CSMD1: variants seen among roughly 807,000 people sequenced by gnomAD.
CSMD1 encodes CUB and sushi domain-containing protein 1.
CSMD1 carries 213 observed loss-of-function variants against 417.5 expected under a neutral mutation model. The ratio of observed to expected loss-of-function variants is 0.51; its 90% CI spans 0.46 to 0.57. The LOEUF is 0.57. CSMD1 is among the 20% of genes least tolerant of loss of function. CSMD1 has a pLI of 0.00. For synonymous variants in CSMD1, 2,862 were observed against 1,736.8 expected, an observed-to-expected ratio of 1.65 and a Z score of -16.11; for missense variants, 6,923 against 4,529.7, an observed-to-expected ratio of 1.53 and a Z score of -15.17.
chr8:4,647,860 A>G (rs935470847), intron 1 of CSMD1, among the ~76,000 whole-genome samples: 4 of 152,196 alleles, frequency 2.6e-5, no homozygotes, highest in African/African-American at 9.7e-5. Context: ...TATTGTAAAT[A>G]GTACTGCAGT....
At chr8:3,037,213 T>TTTTG (rs201806831) in intron 50 of CSMD1, among the ~76,000 whole-genome samples, 1,868 of 149,802 alleles carry the variant, frequency 0.012, 37 homozygotes, top group African/African-American at 0.043. Flanking sequence ...CTTTCTTTTT[T>TTTTG]TTGTTTTTTT....
chr8:4,938,748 T>G (rs1160373443), intron 1 of CSMD1, among the ~76,000 whole-genome samples: 1 of 152,222 alleles, frequency 6.6e-6, no homozygotes, highest in Non-Finnish European at 1.5e-5. Context: ...ATGGGAAGGT[T>G]AAAAAGTGTG....
chr8:3,423,476 A>C (rs2116986582), intron 12 of CSMD1, among the ~76,000 whole-genome samples: 2 of 152,304 alleles, frequency 1.3e-5, no homozygotes, highest in Middle Eastern at 6.8e-3. Context: ...AATGATTCTG[A>C]GATTCATCCA....
At chr8:2,991,034 T>G (rs1345078191) in intron 54 of CSMD1, among the ~76,000 whole-genome samples, 1 of 152,242 alleles carries the variant, frequency 6.6e-6, no homozygotes, top group African/African-American at 2.4e-5. Flanking sequence ...CTGCTGCAGA[T>G]ACACCAATTC....
At chr8:4,005,035 G>T (rs978501229) in intron 4 of CSMD1, among the ~76,000 whole-genome samples, 38 of 152,154 alleles carry the variant, frequency 2.5e-4, no homozygotes, top group African/African-American at 6.5e-4. Flanking sequence ...AAGTACTGAG[G>T]AATGGAAAAC....
intron 7 of CSMD1, among the ~76,000 whole-genome samples, chr8:3,626,244 G>A (rs1796487399): frequency 6.6e-6 from 1 of 152,154 alleles, no homozygotes; most frequent in African/African-American, 2.4e-5. Context: ...AGGACTTAGG[G>A]CCTGTCATTT....
intron 3 of CSMD1, among the ~76,000 whole-genome samples, chr8:4,403,827 C>G (rs1367759679): frequency 6.6e-6 from 1 of 152,178 alleles, no homozygotes; most frequent in African/African-American, 2.4e-5. Context: ...CAAATGGCAT[C>G]TGCCATTGGG....
intron 1 of CSMD1, among the ~76,000 whole-genome samples, chr8:4,969,617 T>C (rs938493361): frequency 6.6e-6 from 1 of 151,932 alleles, no homozygotes; most frequent in East Asian, 2.0e-4. Context: ...CAAATACACA[T>C]AGGGCTGTGC....
At chr8:3,983,387 C>G (rs1194916671) in intron 5 of CSMD1, among the ~76,000 whole-genome samples, 2 of 152,076 alleles carry the variant, frequency 1.3e-5, no homozygotes, top group African/African-American at 2.4e-5. Flanking sequence ...TTCTTGCCCT[C>G]CCAAATTGCT....
chr8:3,542,689 T>C (rs1025166496), intron 10 of CSMD1, among the ~76,000 whole-genome samples: 1 of 152,190 alleles, frequency 6.6e-6, no homozygotes, highest in African/African-American at 2.4e-5. Flanking sequence ...TGCTCAAATG[T>C]CTCAAGAATA....
chr8:4,762,609 T>A (rs1157680444), intron 1 of CSMD1, among the ~76,000 whole-genome samples: 3 of 152,038 alleles, frequency 2.0e-5, no homozygotes, highest in Non-Finnish European at 4.4e-5. Context: ...TGAGCCTGAG[T>A]GATGGGCCCC....
At chr8:3,778,375 G>A (rs560128282) in intron 5 of CSMD1, among the ~76,000 whole-genome samples, 26 of 152,308 alleles carry the variant, frequency 1.7e-4, no homozygotes, top group African/African-American at 6.0e-4. Flanking sequence ...ATTTCGGTAA[G>A]AAGACCGGGG....
At chr8:3,794,390 G>C (rs1421406794) in intron 5 of CSMD1, among the ~76,000 whole-genome samples, 1 of 152,112 alleles carries the variant, frequency 6.6e-6, no homozygotes, top group African/African-American at 2.4e-5. Context: ...TTTCATCCAT[G>C]TAGTTTTCTA....
chr8:3,063,591 A>G (rs1333933037), intron 49 of CSMD1, among the ~76,000 whole-genome samples: 2 of 152,246 alleles, frequency 1.3e-5, no homozygotes, highest in African/African-American at 2.4e-5. Flanking sequence ...AGTGTCTGCC[A>G]AGAGATGAAT....
At chr8:3,164,558 A>G (rs984706950) in intron 37 of CSMD1, among the ~76,000 whole-genome samples, 3 of 152,188 alleles carry the variant, frequency 2.0e-5, no homozygotes, top group African/African-American at 4.8e-5. Flanking sequence ...TTCCTACCAC[A>G]TATTAGCAAG....
intron 1 of CSMD1, among the ~76,000 whole-genome samples, chr8:4,979,989 G>C (rs1357136500): frequency 6.6e-6 from 1 of 152,152 alleles, no homozygotes; most frequent in Non-Finnish European, 1.5e-5. Context: ...AGTGAGCCAA[G>C]ATAGTGCACT....
At chr8:3,136,129 G>T (rs1005468431) in intron 41 of CSMD1, among the ~76,000 whole-genome samples, 1 of 152,020 alleles carries the variant, frequency 6.6e-6, no homozygotes, top group Non-Finnish European at 1.5e-5. Flanking sequence ...GCCACTAATT[G>T]ATGGCTCATC....
chr8:4,583,872 C>T (rs1369757926), intron 2 of CSMD1, among the ~76,000 whole-genome samples: 1 of 152,090 alleles, frequency 6.6e-6, no homozygotes, highest in Non-Finnish European at 1.5e-5. Flanking sequence ...TTCTTTCACT[C>T]TTTGCAATAA....
At chr8:3,758,438 T>A (rs1415077911) in intron 5 of CSMD1, among the ~76,000 whole-genome samples, 1 of 152,210 alleles carries the variant, frequency 6.6e-6, no homozygotes, top group Non-Finnish European at 1.5e-5. Flanking sequence ...TTGTTGTTTG[T>A]TTGGGAAAGG....
Sources: gnomAD v4.1 joint callset for allele counts (sites outside exome capture counted in the v4.1 genomes callset) on GRCh38, gnomAD v4.1.1 for gene constraint, MANE v1.5 for transcripts, NCBI Gene and HGNC (gene_info 2026-07-23, HGNC 2026-07-21) for gene names.